The following ANKMY2 variants were observed in gnomAD, a reference collection of about 807,000 sequenced individuals.
ANKMY2 encodes ankyrin repeat and MYND domain-containing protein 2.
ANKMY2 carries 36 observed loss-of-function variants against 50.4 expected under a neutral mutation model. That is an observed-to-expected ratio of 0.71 (90% CI 0.55 to 0.94). The LOEUF is 0.94. Ranked by LOEUF, ANKMY2 falls within the 40% of genes least tolerant of loss-of-function variation. The pLI is 0.00. For missense variants in ANKMY2, 565 were observed against 524.0 expected (o/e 1.08, Z -0.76); for synonymous variants, 187 against 178.8 (o/e 1.05, Z -0.36).
chr7:16,609,133 A>T (rs780121318), intron 7 of ANKMY2, among the ~76,000 whole-genome samples: 18 of 152,350 alleles, frequency 1.2e-4, no homozygotes, highest in Middle Eastern at 3.4e-3. Context: ...GACATTTTCT[A>T]ATCAGAGGCA....
At chr7:16,627,218 T>C in intron 2 of ANKMY2, 40 bp from the exon 3 acceptor site, 1 of 1,427,434 alleles carries the variant, frequency 7.0e-7, no homozygotes, top group Non-Finnish European at 9.6e-7. Context: ...TTTTACTGTT[T>C]TATCTTTTCT....
chr7:16,645,595 T>C lies in ANKMY2; in HGVS notation c.-22A>G. 1 of 1,607,854 alleles carries C rather than the reference T, an allele frequency of 6.2e-7. No homozygotes were observed. Among genetic ancestry groups the C allele is most frequent in the South Asian group, 1.1e-5 (1 of 90,286 alleles). On this transcript the variant is annotated 5_prime_UTR_variant, in exon 1 of 10. It adds an upstream start codon to the 5' untranslated region. Transcript: ENST00000306999. ...CCATTGCTCCCGCCAGCTTGAAGGT[T>C]ATTCCCTTTCTTAGGGAGTATTAAA...
At position 16,627,134 on chromosome 7, in the gene ANKMY2, G is replaced by C. The variant is rs11531477; in HGVS notation, c.177C>G (p.Leu59=). The change falls in exon 3 of 10, where the codon CTC becomes CTG. Residue 59 remains leucine (L), a synonymous_variant. Coordinates refer to ENST00000306999, the MANE Select transcript of ANKMY2 (RefSeq NM_020319.3). ...GTCGCAGTAGTAATTTGCACATATC[G>C]AGTTTTCCTTTATATGCTGCATGCA... The part of the protein sequence containing the change: ...PLMHAAYKGK[L]DMCKLLLRHG... 0.2 allele frequency: 314,613 copies of C among 1,598,304 alleles called. 32,722 individuals are homozygous for C. Among genetic ancestry groups the C allele is most frequent in the Middle Eastern group, 0.23 (1,398 of 5,996 alleles).
At chr7:16,619,578 G>T (rs1781404705) in intron 4 of ANKMY2, among the ~76,000 whole-genome samples, 1 of 151,886 alleles carries the variant, frequency 6.6e-6, no homozygotes, top group Non-Finnish European at 1.5e-5. Context: ...TAACATATTT[G>T]AATAATATGT....
intron 1 of ANKMY2, among the ~76,000 whole-genome samples, chr7:16,642,863 T>TG (rs1207184324): frequency 6.6e-6 from 1 of 152,208 alleles, no homozygotes; most frequent in Non-Finnish European, 1.5e-5. Flanking sequence ...AAGTGAATAT[T>TG]GTATGGACTG....
chr7:16,622,785 TAAAAATAAA>T (rs1781458169), intron 4 of ANKMY2, among the ~76,000 whole-genome samples: 1 of 94,506 alleles, frequency 1.1e-5, no homozygotes, highest in Non-Finnish European at 2.6e-5. Flanking sequence ...AATAAATAAA[TAAAAATAAA>T]AACTCTATAT....
intron 2 of ANKMY2, among the ~76,000 whole-genome samples, chr7:16,632,090 G>A (rs559880890): frequency 1.5e-3 from 170 of 115,400 alleles, no homozygotes; most frequent in Non-Finnish European, 2.1e-3. Context: ...CTTTCCCCCC[G>A]TCTTTCCTTC....
intron 4 of ANKMY2, among the ~76,000 whole-genome samples, chr7:16,624,049 C>T (rs1781476593): frequency 6.6e-6 from 1 of 152,100 alleles, no homozygotes; most frequent in Non-Finnish European, 1.5e-5. Context: ...TTTTATGGAG[C>T]TCTGAAGTTC....
rs1216872833 is a variant in ANKMY2, at chr7:16,645,716, C to G, written c.-143G>C. 2.2e-6 allele frequency: 2 copies of G among 891,144 alleles called. No individual in the cohort carries two copies. The highest frequency in any genetic ancestry group is 3.2e-6 in the Non-Finnish European group (2 of 620,366). The allele number at this position is 891,144 out of a possible 1,614,324, so 55.2% of individuals were successfully genotyped here. On this transcript the variant is annotated 5_prime_UTR_variant, in exon 1 of 10. Transcript: ENST00000306999. ...CCAACCGCGGAAACGCTTCGCTTCTCTCCTCCCTCCCGCGGGCTGGCGGAC... is the reference window on the plus strand; with the variant it reads ...CCAACCGCGGAAACGCTTCGCTTCTGTCCTCCCTCCCGCGGGCTGGCGGAC...
At chr7:16,607,410 G>T (rs115607518) in intron 7 of ANKMY2, among the ~76,000 whole-genome samples, 1 of 151,832 alleles carries the variant, frequency 6.6e-6, no homozygotes, top group Non-Finnish European at 1.5e-5. Context: ...TACTAAAAAT[G>T]CAGAAACATT....
chr7:16,625,146 A>G, intron 3 of ANKMY2, 65 bp from the exon 4 acceptor site: 1 of 1,281,622 alleles, frequency 7.8e-7, no homozygotes, highest in South Asian at 1.2e-5. Context: ...ATCCCTTTCT[A>G]AACTCTCTAT....
Position 16,610,700 on chromosome 7 carries a change from T to C in ANKMY2, c.595A>G (p.Arg199Gly), listed in dbSNP as rs770658184. The stretch of plus-strand genomic sequence containing the variant: ...TTCTCACAAATCAAATCCATCACTC[T>C]GTAGCATTTATTCAGGGCTGCTTCT... ...TEEAALNKCY[R>G]VMDLICEKCM... is the part of the protein sequence containing the mutation. Residue 199 changes from arginine to glycine, a missense_variant, in exon 6 of 10, where the codon AGA becomes GGA. By Grantham distance (125) the Arg-to-Gly change is moderately radical. Transcript: ENST00000306999. 1.9e-6 allele frequency: 3 copies of C among 1,613,996 alleles called. No homozygotes were observed. In the South Asian group the frequency reaches 3.3e-5, roughly 18 times the overall value.
intron 5 of ANKMY2, among the ~76,000 whole-genome samples, chr7:16,614,913 A>C (rs1211076955): frequency 6.6e-6 from 1 of 152,224 alleles, no homozygotes; most frequent in Non-Finnish European, 1.5e-5. Flanking sequence ...GTAGCTGTGT[A>C]GTTTTCTGTG....
intron 1 of ANKMY2, among the ~76,000 whole-genome samples, chr7:16,641,337 T>C (rs533777732): frequency 2.6e-5 from 4 of 152,360 alleles, no homozygotes; most frequent in Non-Finnish European, 5.9e-5. Context: ...CTCCTACTCA[T>C]ATCTATTTTT....
intron 7 of ANKMY2, among the ~76,000 whole-genome samples, chr7:16,605,936 G>T (rs1355273816): frequency 6.6e-6 from 1 of 151,870 alleles, no homozygotes; most frequent in Non-Finnish European, 1.5e-5. Flanking sequence ...GCCTGCCTTG[G>T]CCTCCCAAAG....
intron 8 of ANKMY2, among the ~76,000 whole-genome samples, chr7:16,604,032 A>C (rs1338286657): frequency 6.6e-6 from 1 of 152,258 alleles, no homozygotes; most frequent in Non-Finnish European, 1.5e-5. Flanking sequence ...TCAGAGAAGT[A>C]AGTCATTAAA....
At chr7:16,605,127 T>C (rs1179092471) in intron 7 of ANKMY2, among the ~76,000 whole-genome samples, 1 of 152,238 alleles carries the variant, frequency 6.6e-6, no homozygotes, top group African/African-American at 2.4e-5. Context: ...CCAATAAGGA[T>C]AATTCAGTAA....
chr7:16,600,640 T>G lies in ANKMY2; in HGVS notation c.*121A>C. 2 of 800,814 alleles carry G rather than the reference T, an allele frequency of 2.5e-6. No individual in the cohort carries two copies. The highest frequency in any genetic ancestry group is 3.6e-6 in the Non-Finnish European group (2 of 559,426). The allele number at this position is 800,814 out of a possible 1,614,324, so 49.6% of individuals were successfully genotyped here. ...GGTTTGCTTGAAAACCTGTATTCTA[T>G]GAAATGTGGAATCCTGCCATGGTGC... On this transcript the variant is annotated 3_prime_UTR_variant, in exon 10 of 10. Coordinates refer to ENST00000306999, the MANE Select transcript of ANKMY2 (RefSeq NM_020319.3).
Position 16,615,905 on chromosome 7 carries a change from C to G in ANKMY2, c.371-1G>C. The G allele has an allele frequency of 1.3e-6, 2 of 1,586,436 alleles. No homozygotes were observed. Among genetic ancestry groups the G allele is most frequent in the East Asian group, 2.2e-5 (1 of 44,554 alleles). ...ATTATGGTCACACAATCATGTTGAC[C>G]TTTTCATAGAAAAATAGAAAAGTTG... On this transcript the variant is annotated splice_acceptor_variant, in intron 4 of 9. Coordinates refer to ENST00000306999, the MANE Select transcript of ANKMY2 (RefSeq NM_020319.3). LOFTEE classifies it high-confidence loss of function.
Sources: gnomAD v4.1 joint callset for allele counts (sites outside exome capture counted in the v4.1 genomes callset) on GRCh38, gnomAD v4.1.1 for gene constraint, MANE v1.5 for transcripts, NCBI Gene and HGNC (gene_info 2026-07-23, HGNC 2026-07-21) for gene names.